Variants in WWOX observed in about 807,000 individuals in gnomAD.
The protein encoded by WWOX is WW domain containing oxidoreductase.
WWOX carries 69 observed loss-of-function variants against 46.2 expected under a neutral mutation model. The observed-to-expected ratio is 1.49, with a 90% CI of 1.23 to 1.82. The LOEUF (loss-of-function observed/expected upper bound fraction) is 1.82, where lower values mean the gene tolerates loss of function less well. WWOX is among the 40% of genes most tolerant of loss of function. WWOX has a pLI of 0.00. For synonymous variants in WWOX, 359 were observed against 202.6 expected (o/e 1.77, Z -6.56); for missense variants, 919 against 542.6 (o/e 1.69, Z -6.89).
chr16:78,179,980 G>A (rs936769758), intron 5 of WWOX, among the ~76,000 whole-genome samples: 7 of 152,142 alleles, frequency 4.6e-5, no homozygotes, highest in Admixed American at 6.5e-5. Flanking sequence ...GGGACAGATC[G>A]GCTGGTTAGT....
intron 8 of WWOX, among the ~76,000 whole-genome samples, chr16:79,123,046 C>T (rs373315626): frequency 3.3e-5 from 5 of 152,320 alleles, no homozygotes; most frequent in East Asian, 3.9e-4. Flanking sequence ...TGGGCCTTCT[C>T]CGCCTTCAAA....
At chr16:78,679,839 TA>T (rs2047688459) in intron 8 of WWOX, among the ~76,000 whole-genome samples, 1 of 152,222 alleles carries the variant, frequency 6.6e-6, no homozygotes, top group South Asian at 2.1e-4. Context: ...TCAACTGTTT[TA>T]GGGGCCATGC....
chr16:78,634,985 A>G (rs1304168310), intron 8 of WWOX, among the ~76,000 whole-genome samples: 2 of 152,008 alleles, frequency 1.3e-5, no homozygotes, highest in East Asian at 3.9e-4. Flanking sequence ...AAATAAATTC[A>G]TACCAGCTTC....
chr16:78,615,274 A>G (rs1439249857), intron 8 of WWOX, among the ~76,000 whole-genome samples: 2 of 152,180 alleles, frequency 1.3e-5, no homozygotes, highest in Admixed American at 6.5e-5. Context: ...AGGCTCTGCT[A>G]CAGACGTCAG....
chr16:78,110,635 C>G (rs957206897), intron 3 of WWOX, among the ~76,000 whole-genome samples: 1 of 152,108 alleles, frequency 6.6e-6, no homozygotes, highest in Non-Finnish European at 1.5e-5. Context: ...AGGATAAATT[C>G]CGGTATCACG....
At chr16:78,379,234 G>C (rs1456451029) in intron 5 of WWOX, among the ~76,000 whole-genome samples, 2 of 152,186 alleles carry the variant, frequency 1.3e-5, no homozygotes, top group African/African-American at 2.4e-5. Context: ...CTGGAAATAA[G>C]TTTTTCCGTA....
chr16:78,398,052 C>G (rs1392456286), intron 6 of WWOX, among the ~76,000 whole-genome samples: 5 of 152,232 alleles, frequency 3.3e-5, no homozygotes, highest in Middle Eastern at 3.2e-3. Context: ...TCCATTTCCA[C>G]TTTCTTTCTA....
chr16:78,800,008 C>G (rs569751616), intron 8 of WWOX, among the ~76,000 whole-genome samples: 15 of 152,184 alleles, frequency 9.9e-5, no homozygotes, highest in Admixed American at 7.2e-4. Flanking sequence ...TTTTTCTCTC[C>G]TTCCCCATTA....
intron 8 of WWOX, among the ~76,000 whole-genome samples, chr16:78,723,642 T>TCTCTTCTCTTCTCTTC (rs2048753886): frequency 7.0e-6 from 1 of 143,606 alleles, no homozygotes; most frequent in African/African-American, 2.8e-5. Context: ...TTCTTTTCTT[T>TCTCTTCTCTTCTCTTC]TCTTTTCTAC....
intron 8 of WWOX, among the ~76,000 whole-genome samples, chr16:78,481,242 G>A (rs994403843): frequency 2.0e-5 from 3 of 152,150 alleles, no homozygotes; most frequent in African/African-American, 7.2e-5. Context: ...ACTGATGAAA[G>A]CGTACTTCCA....
intron 8 of WWOX, among the ~76,000 whole-genome samples, chr16:78,487,290 C>T (rs950011011): frequency 6.6e-6 from 1 of 151,644 alleles, no homozygotes; most frequent in Non-Finnish European, 1.5e-5. Context: ...ATGACTAAAG[C>T]AGAGATTTGG....
Position 78,809,449 on chromosome 16 carries a change from T to A in WWOX, c.1056+376697T>A, listed in dbSNP as rs184871471. Among the ~76,000 whole-genome samples, 356 of 152,306 alleles carry A rather than the reference T, an allele frequency of 2.3e-3. 3 individuals carry two copies. The highest frequency in any genetic ancestry group is 1.7e-3 in the Non-Finnish European group (119 of 68,020). On this transcript the variant is annotated intron_variant, in intron 8 of 8. Coordinates refer to ENST00000566780, the MANE Select transcript of WWOX (RefSeq NM_016373.4). ...TGTATTAATGAGATGAAATCACTTC[T>A]TAATTTTCAGGTTAATATTAAAGTT... is the stretch of plus-strand genomic sequence containing the variant.
intron 1 of WWOX, among the ~76,000 whole-genome samples, chr16:78,100,747 G>A (rs79416778): frequency 7.9e-5 from 12 of 152,158 alleles, no homozygotes; most frequent in African/African-American, 2.2e-4. Context: ...ACATAGCACC[G>A]TGTCTAGTAG....
At chr16:78,460,958 T>C (rs1018610676) in intron 8 of WWOX, among the ~76,000 whole-genome samples, 3 of 151,046 alleles carry the variant, frequency 2.0e-5, no homozygotes, top group East Asian at 1.9e-4. Context: ...ATCAGTAATG[T>C]TGATTACTAA....
At chr16:78,620,504 C>T (rs2046152519) in intron 8 of WWOX, among the ~76,000 whole-genome samples, 1 of 152,158 alleles carries the variant, frequency 6.6e-6, no homozygotes, top group Admixed American at 6.5e-5. Context: ...CTGCCTTGGT[C>T]ATGTACCCTC....
At chr16:78,708,683 C>T (rs1413158025) in intron 8 of WWOX, among the ~76,000 whole-genome samples, 1 of 152,188 alleles carries the variant, frequency 6.6e-6, no homozygotes, top group East Asian at 1.9e-4. Flanking sequence ...CCAGTGAGTT[C>T]AGTGGCTTTG....
chr16:79,126,353 G>A (rs905178974), intron 8 of WWOX, among the ~76,000 whole-genome samples: 4 of 152,148 alleles, frequency 2.6e-5, no homozygotes, highest in Middle Eastern at 3.2e-3. Flanking sequence ...ATGTCATCTC[G>A]AATTGTAATC....
intron 1 of WWOX, among the ~76,000 whole-genome samples, chr16:78,104,101 G>T (rs990916948): frequency 2.0e-5 from 3 of 152,032 alleles, no homozygotes; most frequent in African/African-American, 7.2e-5. Context: ...GTCCTTGTTT[G>T]CCCTTCCCCG....
intron 8 of WWOX, among the ~76,000 whole-genome samples, chr16:79,187,127 C>G (rs1049105818): frequency 6.6e-6 from 1 of 152,158 alleles, no homozygotes; most frequent in African/African-American, 2.4e-5. Context: ...GCCGAACCCC[C>G]TGGGTTCAAA....
Sources: allele counts gnomAD v4.1 joint callset (sites outside exome capture counted in the v4.1 genomes callset), GRCh38; gene constraint gnomAD v4.1.1; transcripts MANE v1.5; gene names NCBI Gene and HGNC (gene_info 2026-07-23, HGNC 2026-07-21).